The following MGAT5 variants were observed in gnomAD, a reference collection of about 807,000 sequenced individuals.
The protein encoded by MGAT5 is alpha-1,6-mannosylglycoprotein 6-beta-N-acetylglucosaminyltransferase A.
Under a neutral mutation model 94.3 loss-of-function variants are expected in MGAT5, and 30 were observed. The observed-to-expected ratio is 0.32, with a 90% confidence interval of 0.24 to 0.43. MGAT5 has a LOEUF of 0.43. MGAT5 is among the 20% of genes least tolerant of loss of function. The pLI is 1.00. For missense variants in MGAT5, 691 were observed against 905.5 expected (o/e 0.76, Z 3.04); for synonymous variants, 310 against 322.9 (o/e 0.96, Z 0.43).
chr2:134,272,451 C>T (rs1156245271), intron 2 of MGAT5, among the ~76,000 whole-genome samples: 1 of 151,604 alleles, frequency 6.6e-6, no homozygotes, highest in Non-Finnish European at 1.5e-5. Context: ...GTCTTTGCAT[C>T]TCTCGGGTAT....
At chr2:134,401,179 G>A (rs1683029648) in intron 10 of MGAT5, among the ~76,000 whole-genome samples, 1 of 151,968 alleles carries the variant, frequency 6.6e-6, no homozygotes. Context: ...CCGACTGTCT[G>A]CGTCTTCCCC....
chr2:134,204,159 G>A (rs527316890), intron 1 of MGAT5, among the ~76,000 whole-genome samples: 4 of 152,080 alleles, frequency 2.6e-5, no homozygotes, highest in African/African-American at 9.7e-5. Context: ...TCATGCTAGC[G>A]CTCATTTCAT....
At chr2:134,138,858 A>T (rs1686537504) in intron 1 of MGAT5, among the ~76,000 whole-genome samples, 1 of 152,178 alleles carries the variant, frequency 6.6e-6, no homozygotes, top group African/African-American at 2.4e-5. Flanking sequence ...GCTATTGATG[A>T]TTATGCTGGG....
intron 1 of MGAT5, among the ~76,000 whole-genome samples, chr2:134,139,724 A>G (rs371647562): frequency 9.2e-5 from 14 of 152,308 alleles, no homozygotes; most frequent in South Asian, 6.2e-4. Context: ...CAAAAGTTTC[A>G]TAACAGAGTG....
intron 11 of MGAT5, among the ~76,000 whole-genome samples, chr2:134,404,827 T>G (rs1020423423): frequency 6.6e-6 from 1 of 152,250 alleles, no homozygotes; most frequent in Non-Finnish European, 1.5e-5. Context: ...AGGAGTGAAG[T>G]GTGTTCTCTA....
chr2:134,327,943 T>G (rs1029212924), intron 4 of MGAT5, among the ~76,000 whole-genome samples: 6 of 152,286 alleles, frequency 3.9e-5, no homozygotes, highest in Middle Eastern at 3.4e-3. Flanking sequence ...GTTGTCAAAA[T>G]GTCCTTATGT....
At chr2:134,303,004 C>T (rs887081738) in intron 2 of MGAT5, among the ~76,000 whole-genome samples, 21 of 152,126 alleles carry the variant, frequency 1.4e-4, no homozygotes, top group African/African-American at 3.9e-4. Flanking sequence ...ATTATTTCTT[C>T]GAATATTTTT....
At chr2:134,387,402 G>A (rs2106234700) in intron 10 of MGAT5, among the ~76,000 whole-genome samples, 1 of 123,670 alleles carries the variant, frequency 8.1e-6, no homozygotes, top group South Asian at 2.6e-4. Context: ...GTTAAGAACT[G>A]TGTTCCAATC....
At chr2:134,151,413 T>C (rs12473974) in intron 1 of MGAT5, among the ~76,000 whole-genome samples, 15 of 98,344 alleles carry the variant, frequency 1.5e-4, no homozygotes, top group South Asian at 1.2e-3. Flanking sequence ...CACTCACCCA[T>C]GCCCTGTGGG....
upstream of MGAT5, among the ~76,000 whole-genome samples, chr2:134,251,632 T>A (rs1359042196): frequency 6.6e-6 from 1 of 152,208 alleles, no homozygotes; most frequent in East Asian, 1.9e-4. Context: ...AAAATTTTTT[T>A]AAATTTGATA....
At chr2:134,433,231 T>C (rs1406816500) in intron 14 of MGAT5, among the ~76,000 whole-genome samples, 4 of 152,258 alleles carry the variant, frequency 2.6e-5, no homozygotes, top group Non-Finnish European at 4.4e-5. Context: ...ACTGATTTTA[T>C]TGCTGAATAG....
Position 134,317,577 on chromosome 2 carries a change from G to A in MGAT5, c.455G>A (p.Gly152Asp). ...AAATGTGTATTGCCTCCTATGGACG[G>A]CTACCCTCACTGTGAGGGAAAGATC... Reference protein sequence around the residue: ...QEKCVLPPMDGYPHCEGKIKW... With the variant: ...QEKCVLPPMDDYPHCEGKIKW... Residue 152 changes from glycine to aspartate, a missense_variant, in exon 3 of 16, where the codon GGC becomes GAC. Physicochemically the swap from Gly to Asp is moderately conservative, Grantham distance 94. Around this residue, in one of 4 missense-constraint regions of MGAT5, gnomAD observed 307 missense variants for 335.4 expected, o/e 0.92. Transcript: ENST00000281923. The A allele has an allele frequency of 6.4e-7, 1 of 1,568,358 alleles. No individual in the cohort carries two copies. Among genetic ancestry groups the A allele is most frequent in the Non-Finnish European group, 8.6e-7 (1 of 1,159,104 alleles).
chr2:134,350,224 T>C (rs1679292850), intron 9 of MGAT5, among the ~76,000 whole-genome samples: 1 of 152,208 alleles, frequency 6.6e-6, no homozygotes, highest in South Asian at 2.1e-4. Context: ...ACTTTGCAGT[T>C]ACTTTAGATT....
Position 134,453,621 on chromosome 2 carries a change from G to C in MGAT5, c.*4774G>C, listed in dbSNP as rs1686210434. 1.3e-5 allele frequency: 2 copies of C among 152,312 alleles called. No individual in the cohort carries two copies. The highest frequency in any genetic ancestry group is 2.1e-4 in the South Asian group (1 of 4,820). The allele number at this position is 152,312 out of a possible 1,614,324, so 9.4% of individuals were successfully genotyped here. A position where few individuals can be genotyped will look rare whatever the true frequency, so the allele number is the denominator to read the frequency against. On this transcript the variant is annotated 3_prime_UTR_variant, in exon 16 of 16. Transcript: ENST00000281923. ...GTCCCTTTGCCGGCCCCTACAGGCTGGGGTGGCCCCTCCTGTCCTCAGGGA... is the reference window on the plus strand; with the variant it reads ...GTCCCTTTGCCGGCCCCTACAGGCTCGGGTGGCCCCTCCTGTCCTCAGGGA...
intron 12 of MGAT5, among the ~76,000 whole-genome samples, chr2:134,414,669 A>C (rs1683868099): frequency 6.6e-6 from 1 of 152,232 alleles, no homozygotes; most frequent in African/African-American, 2.4e-5. Flanking sequence ...TATGCAATAC[A>C]GTATTGTTAA....
intron 1 of MGAT5, among the ~76,000 whole-genome samples, chr2:134,129,285 G>A (rs1283818452): frequency 6.6e-6 from 1 of 152,144 alleles, no homozygotes; most frequent in African/African-American, 2.4e-5. Flanking sequence ...CCATCACACT[G>A]ATACTCTCAC....
intron 10 of MGAT5, among the ~76,000 whole-genome samples, chr2:134,377,206 G>A (rs1395124005): frequency 6.6e-6 from 1 of 152,208 alleles, no homozygotes; most frequent in East Asian, 1.9e-4. Context: ...TGGGGTATGG[G>A]GCTGGTTTCT....
At chr2:134,203,081 T>G (rs1679876451) in intron 1 of MGAT5, among the ~76,000 whole-genome samples, 1 of 152,214 alleles carries the variant, frequency 6.6e-6, no homozygotes, top group Non-Finnish European at 1.5e-5. Context: ...AATATAACTT[T>G]TTTTATGGTT....
chr2:134,413,072 G>T, intron 12 of MGAT5, 57 bp downstream of exon 12: 2 of 1,583,662 alleles, frequency 1.3e-6, no homozygotes, highest in South Asian at 2.2e-5. Flanking sequence ...GCTATTTATT[G>T]AGTGCTCATG....
Sources: gnomAD v4.1 joint callset for allele counts (sites outside exome capture counted in the v4.1 genomes callset) on GRCh38, gnomAD v4.1.1 for gene constraint, gnomAD v4.1.1 regional missense constraint, MANE v1.5 for transcripts, NCBI Gene and HGNC (gene_info 2026-07-23, HGNC 2026-07-21) for gene names.